Variants in FAF1 observed in about 807,000 individuals in gnomAD.
The protein encoded by FAF1 is Fas associated factor 1.
FAF1 carries 25 observed loss-of-function variants against 92.5 expected under a neutral mutation model. The ratio of observed to expected loss-of-function variants is 0.27; its 90% CI spans 0.20 to 0.38. The LOEUF (loss-of-function observed/expected upper bound fraction) is 0.38. Among genes scored for constraint, FAF1 ranks in the 10% least tolerant of loss-of-function variants. FAF1 has a pLI of 1.00. For synonymous variants in FAF1, 234 were observed against 273.2 expected (o/e 0.86, Z 1.42); for missense variants, 636 against 793.3 (o/e 0.80, Z 2.38).
intron 7 of FAF1, among the ~76,000 whole-genome samples, chr1:50,666,169 C>A (rs547533037): frequency 6.6e-6 from 1 of 152,044 alleles, no homozygotes; most frequent in African/African-American, 2.4e-5. Context: ...CCGCCTTGGC[C>A]TCCCAAATTG....
intron 7 of FAF1, among the ~76,000 whole-genome samples, chr1:50,663,519 C>T (rs1198969552): frequency 1.3e-5 from 2 of 150,632 alleles, no homozygotes; most frequent in African/African-American, 5.0e-5. Flanking sequence ...TCTTCTGCCT[C>T]AGCCTCCCAA....
At chr1:50,798,291 A>G (rs1569965278) in intron 3 of FAF1, among the ~76,000 whole-genome samples, 1 of 152,346 alleles carries the variant, frequency 6.6e-6, no homozygotes, top group Middle Eastern at 3.4e-3. Context: ...TAAACAATGG[A>G]CAAATGAACA....
At chr1:50,565,796 G>T (rs1650152502) in intron 13 of FAF1, among the ~76,000 whole-genome samples, 2 of 152,084 alleles carry the variant, frequency 1.3e-5, no homozygotes, top group Admixed American at 1.3e-4. Flanking sequence ...ACTACAGATG[G>T]TTTAGAAATA....
Position 50,704,080 on chromosome 1 carries a change from G to A in FAF1, c.657+1706C>T, listed in dbSNP as rs188581938. On this transcript the variant is annotated intron_variant, in intron 7 of 18. Transcript: ENST00000396153. ...AAATCTCCCTGTTTAATTTAAAAGG[G>A]TGAAATTAAGTCTCCTCCCTGCAAT... Among the ~76,000 whole-genome samples the A allele has an allele frequency of 3.7e-4, 56 of 152,216 alleles. 4 individuals carry two copies. Among genetic ancestry groups the A allele is most frequent in the African/African-American group, 1.3e-3 (55 of 41,528 alleles).
At chr1:50,701,721 G>A (rs545792428) in intron 7 of FAF1, among the ~76,000 whole-genome samples, 1 of 152,182 alleles carries the variant, frequency 6.6e-6, no homozygotes, top group East Asian at 1.9e-4. Flanking sequence ...TGTGTATTTA[G>A]TTCATTCAGT....
chr1:50,944,934 C>T (rs867893892), intron 1 of FAF1, among the ~76,000 whole-genome samples: 1 of 152,104 alleles, frequency 6.6e-6, no homozygotes, highest in Non-Finnish European at 1.5e-5. Flanking sequence ...GTGATCAAGA[C>T]GAGATAATCC....
intron 2 of FAF1, among the ~76,000 whole-genome samples, chr1:50,807,610 G>C (rs1204327692): frequency 6.6e-6 from 1 of 152,196 alleles, no homozygotes; most frequent in African/African-American, 2.4e-5. Flanking sequence ...TGGGGACACA[G>C]AGGCAAACAA....
At chr1:50,904,916 T>C (rs1644823754) in intron 1 of FAF1, among the ~76,000 whole-genome samples, 1 of 152,078 alleles carries the variant, frequency 6.6e-6, no homozygotes, top group African/African-American at 2.4e-5. Flanking sequence ...CTTTAAGTTC[T>C]AGGGTACTTG....
At chr1:50,450,335 C>CTCTGAGG (rs1431459017) in intron 18 of FAF1, among the ~76,000 whole-genome samples, 1 of 152,042 alleles carries the variant, frequency 6.6e-6, no homozygotes, top group Non-Finnish European at 1.5e-5. Context: ...CAGATGAATT[C>CTCTGAGG]TCTGAGGTCA....
chr1:50,569,984 T>C (rs1177927763), intron 12 of FAF1, among the ~76,000 whole-genome samples: 1 of 152,136 alleles, frequency 6.6e-6, no homozygotes, highest in Non-Finnish European at 1.5e-5. Flanking sequence ...CAGGCGAAGA[T>C]CAGGCACTGT....
At chr1:50,520,707 G>A (rs1272261325) in intron 15 of FAF1, among the ~76,000 whole-genome samples, 1 of 152,114 alleles carries the variant, frequency 6.6e-6, no homozygotes, top group Non-Finnish European at 1.5e-5. Flanking sequence ...AATTAGCTAG[G>A]TGTGGTGGTG....
At chr1:50,736,200 T>G (rs999197445) in intron 6 of FAF1, among the ~76,000 whole-genome samples, 1 of 152,238 alleles carries the variant, frequency 6.6e-6, no homozygotes. Flanking sequence ...AGTTGTTATA[T>G]TCATTTGCCA....
chr1:50,598,875 C>T (rs1035624440), intron 8 of FAF1, among the ~76,000 whole-genome samples: 8 of 151,958 alleles, frequency 5.3e-5, no homozygotes, highest in Non-Finnish European at 1.2e-4. Flanking sequence ...GAGGCTGAGG[C>T]AGGAGAATTG....
intron 6 of FAF1, among the ~76,000 whole-genome samples, chr1:50,721,972 TA>T (rs1420310303): frequency 6.6e-6 from 1 of 152,022 alleles, no homozygotes; most frequent in African/African-American, 2.4e-5. Context: ...TACTGATCAC[TA>T]AAAAAGCCAG....
chr1:50,473,448 A>G (rs1346037136), intron 18 of FAF1, among the ~76,000 whole-genome samples: 1 of 152,202 alleles, frequency 6.6e-6, no homozygotes, highest in Non-Finnish European at 1.5e-5. Flanking sequence ...GGGAAGGGCA[A>G]ACTTAGCTCC....
chr1:50,811,914 C>G (rs1643918993), intron 2 of FAF1, among the ~76,000 whole-genome samples: 1 of 152,076 alleles, frequency 6.6e-6, no homozygotes, highest in East Asian at 1.9e-4. Flanking sequence ...ATGCCACACT[C>G]CAACAACCAC....
chr1:50,750,335 T>C (rs974066875), intron 4 of FAF1, among the ~76,000 whole-genome samples: 5 of 152,202 alleles, frequency 3.3e-5, no homozygotes, highest in Non-Finnish European at 7.3e-5. Context: ...TTTGGAACAA[T>C]ACAGAGAAGA....
chr1:50,561,903 T>C (rs918922058), intron 13 of FAF1, among the ~76,000 whole-genome samples: 6 of 129,388 alleles, frequency 4.6e-5, no homozygotes, highest in Non-Finnish European at 8.8e-5. Flanking sequence ...GGAAGTTGTG[T>C]AAACCAATGG....
chr1:50,794,715 C>T (rs909234080), intron 3 of FAF1, among the ~76,000 whole-genome samples: 2 of 152,090 alleles, frequency 1.3e-5, no homozygotes, highest in South Asian at 2.1e-4. Flanking sequence ...CCTCTGCCTC[C>T]CAGGTTCAAG....
Sources: allele counts gnomAD v4.1 joint callset (sites outside exome capture counted in the v4.1 genomes callset), GRCh38; gene constraint gnomAD v4.1.1; transcripts MANE v1.5; gene names NCBI Gene and HGNC (gene_info 2026-07-23, HGNC 2026-07-21).